Variants in CCDC91 observed in about 807,000 individuals in gnomAD.
The protein encoded by CCDC91 is coiled-coil domain containing 91.
Under a neutral mutation model 63.2 loss-of-function variants are expected in CCDC91, and 48 were observed. That is an observed-to-expected ratio of 0.76 (90% CI 0.60 to 0.97). The LOEUF is 0.97. Among genes scored for constraint, CCDC91 ranks in the 50% least tolerant of loss-of-function variants. The pLI is 0.00. For synonymous variants in CCDC91, 167 were observed against 165.8 expected, an observed-to-expected ratio of 1.01 and a Z score of -0.06; for missense variants, 500 against 494.6, an observed-to-expected ratio of 1.01 and a Z score of -0.10.
intron 7 of CCDC91, among the ~76,000 whole-genome samples, chr12:28,368,039 G>A (rs1222024417): frequency 6.6e-6 from 1 of 152,164 alleles, no homozygotes; most frequent in Non-Finnish European, 1.5e-5. Flanking sequence ...ATAATCACAT[G>A]AGCCAATCCC....
chr12:28,399,096 C>T (rs1300911420), intron 8 of CCDC91, among the ~76,000 whole-genome samples: 1 of 152,116 alleles, frequency 6.6e-6, no homozygotes, highest in Non-Finnish European at 1.5e-5. Context: ...GACAGTTCTG[C>T]ATGGCTGGGG....
At chr12:28,385,376 A>G (rs148765178) in intron 7 of CCDC91, among the ~76,000 whole-genome samples, 7 of 152,284 alleles carry the variant, frequency 4.6e-5, no homozygotes, top group African/African-American at 1.4e-4. Flanking sequence ...TAGTTACTCA[A>G]TGTATTTGTC....
At chr12:28,436,059 TA>T (rs1351249650) in intron 8 of CCDC91, among the ~76,000 whole-genome samples, 1 of 151,870 alleles carries the variant, frequency 6.6e-6, no homozygotes, top group Non-Finnish European at 1.5e-5. Context: ...CTCTGTCTTT[TA>T]ATTGTTGTAT....
chr12:28,213,878 C>G (rs1943396403), intron 1 of CCDC91, among the ~76,000 whole-genome samples: 1 of 152,092 alleles, frequency 6.6e-6, no homozygotes, highest in Non-Finnish European at 1.5e-5. Flanking sequence ...ATTATGGTGC[C>G]AGCTTGGTGG....
At chr12:28,458,603 G>T (rs757135941) in intron 11 of CCDC91, among the ~76,000 whole-genome samples, 1 of 151,290 alleles carries the variant, frequency 6.6e-6, no homozygotes, top group Non-Finnish European at 1.5e-5. Context: ...CTGAATAGCT[G>T]CAACTACAGG....
At chr12:28,236,472 C>A (rs1944956070) in intron 1 of CCDC91, 1 of 151,666 alleles carries the variant, frequency 6.6e-6, no homozygotes, top group Non-Finnish European at 1.5e-5. Context: ...TATTTTGTAT[C>A]TGTTATTTTT....
intron 12 of CCDC91, among the ~76,000 whole-genome samples, chr12:28,548,808 G>A (rs562090278): frequency 2.0e-4 from 30 of 152,142 alleles, no homozygotes; most frequent in African/African-American, 7.0e-4. Context: ...AAATCATTCT[G>A]ATCAAATGTA....
Position 28,549,198 on chromosome 12 carries a change from G to A in CCDC91, c.*25G>A. On this transcript the variant is annotated 3_prime_UTR_variant, in exon 13 of 13. Transcript: ENST00000536442. ...AAAAGAACATGACAAACCCACACTG[G>A]CATTGGATAAATCATATTACACCTT... 1 of 1,258,540 alleles carries A rather than the reference G, an allele frequency of 7.9e-7. No individual in the cohort carries two copies. The highest frequency in any genetic ancestry group is 1.2e-6 in the Non-Finnish European group (1 of 857,714). 78.0% of individuals were successfully genotyped at this position (1,258,540 alleles called of 1,614,324 possible). A position where few individuals can be genotyped will look rare whatever the true frequency, so the allele number is the denominator to read the frequency against.
chr12:28,445,916 A>T (rs1949475017), intron 8 of CCDC91, among the ~76,000 whole-genome samples: 1 of 152,304 alleles, frequency 6.6e-6, no homozygotes, highest in East Asian at 1.9e-4. Context: ...GCTTTGGCAT[A>T]TAAATTTGTG....
intron 7 of CCDC91, among the ~76,000 whole-genome samples, chr12:28,371,052 A>AT (rs1355381246): frequency 5.3e-5 from 8 of 151,642 alleles, no homozygotes; most frequent in South Asian, 2.1e-4. Flanking sequence ...CTCTTATCAT[A>AT]TTTTTTTATC....
chr12:28,254,934 G>A (rs1020048723), intron 1 of CCDC91, among the ~76,000 whole-genome samples: 5 of 151,914 alleles, frequency 3.3e-5, no homozygotes, highest in African/African-American at 1.2e-4. Context: ...ACCACACCTG[G>A]CTAATTTTTT....
At position 28,402,725 on chromosome 12, in the gene CCDC91, A is replaced by G. The variant is rs577050632; in HGVS notation, c.762+11314A>G. On this transcript the variant is annotated intron_variant, in intron 8 of 12. Coordinates refer to ENST00000536442, the MANE Select transcript of CCDC91 (RefSeq NM_018318.5). The stretch of plus-strand genomic sequence containing the variant: ...AAAGGGAATACTTGCCTTATTCCTG[A>G]TTTTATTGGAAAAGCTTCTAGTTTT... 4.6e-5 allele frequency among the ~76,000 whole-genome samples: 7 copies of G among 152,108 alleles called. No individual in the cohort carries two copies. The South Asian group carries it at 1.5e-3, about 32-fold the overall frequency.
chr12:28,355,972 C>A (rs1054164093), intron 6 of CCDC91, among the ~76,000 whole-genome samples: 3 of 152,026 alleles, frequency 2.0e-5, no homozygotes, highest in Non-Finnish European at 4.4e-5. Flanking sequence ...TGGCAAAATT[C>A]TTTATTTCCA....
At chr12:28,527,472 G>C (rs1445557671) in intron 12 of CCDC91, among the ~76,000 whole-genome samples, 1 of 152,262 alleles carries the variant, frequency 6.6e-6, no homozygotes, top group Admixed American at 6.5e-5. Flanking sequence ...GGGTCTCTCA[G>C]CCATGGATAC....
intron 12 of CCDC91, among the ~76,000 whole-genome samples, chr12:28,513,778 C>T (rs1042736188): frequency 5.9e-5 from 9 of 151,790 alleles, no homozygotes; most frequent in African/African-American, 2.2e-4. Flanking sequence ...TCATGTTCCT[C>T]CAAAGAGCAT....
At chr12:28,499,935 G>T (rs1025288446) in intron 12 of CCDC91, among the ~76,000 whole-genome samples, 1 of 152,092 alleles carries the variant, frequency 6.6e-6, no homozygotes, top group Admixed American at 6.6e-5. Context: ...CTTCCACAAT[G>T]GTTGAACTAA....
At chr12:28,354,106 T>G (rs1943365313) in intron 6 of CCDC91, among the ~76,000 whole-genome samples, 1 of 152,176 alleles carries the variant, frequency 6.6e-6, no homozygotes, top group African/African-American at 2.4e-5. Context: ...TACAGTAAAA[T>G]GAATTACATG....
intron 3 of CCDC91, chr12:28,268,740 A>G (rs1477290894): frequency 2.7e-5 from 23 of 851,556 alleles, no homozygotes; most frequent in Non-Finnish European, 1.3e-5. Flanking sequence ...TGGGGAAGGG[A>G]GGAGGGAGTA....
chr12:28,363,589 C>T (rs557807780), intron 7 of CCDC91, among the ~76,000 whole-genome samples: 26 of 152,066 alleles, frequency 1.7e-4, no homozygotes, highest in African/African-American at 5.3e-4. Context: ...CAGAAGCTTC[C>T]GTAAATCATT....
Sources: allele counts gnomAD v4.1 joint callset (sites outside exome capture counted in the v4.1 genomes callset), GRCh38; gene constraint gnomAD v4.1.1; transcripts MANE v1.5; gene names NCBI Gene and HGNC (gene_info 2026-07-23, HGNC 2026-07-21).